Variants in PLEKHG1 observed in about 807,000 individuals in gnomAD.
PLEKHG1 encodes pleckstrin homology domain-containing family G member 1.
Under a neutral mutation model 100.8 loss-of-function variants are expected in PLEKHG1, and 44 were observed. The ratio of observed to expected loss-of-function variants is 0.44; its 90% CI spans 0.34 to 0.56. The LOEUF (loss-of-function observed/expected upper bound fraction) is 0.56, where lower values mean the gene tolerates loss of function less well. PLEKHG1 is among the 20% of genes least tolerant of loss of function. PLEKHG1 has a pLI of 0.01. For missense variants in PLEKHG1, 1,545 were observed against 1,720.9 expected (o/e 0.90, Z 1.81); for synonymous variants, 640 against 662.5 (o/e 0.97, Z 0.52).
At chr6:150,821,290 C>T in intron 13 of PLEKHG1, 57 bp downstream of exon 14, 1 of 1,112,404 alleles carries the variant, frequency 9.0e-7, no homozygotes, top group Non-Finnish European at 1.4e-6. Context: ...CTAAATCAAA[C>T]CACACAAAAA....
chr6:150,616,365 G>C (rs1454552437), intron 1 of PLEKHG1, among the ~76,000 whole-genome samples: 5 of 152,148 alleles, frequency 3.3e-5, no homozygotes, highest in Non-Finnish European at 5.9e-5. Context: ...CCACTCACTT[G>C]GGAAGAGAAA....
At chr6:150,651,605 T>A (rs1302399946) in intron 3 of PLEKHG1, among the ~76,000 whole-genome samples, 1 of 151,072 alleles carries the variant, frequency 6.6e-6, no homozygotes, top group Non-Finnish European at 1.5e-5. Context: ...ACGCCCCTAA[T>A]CCCAGCACTT....
chr6:150,762,166 TC>T (rs1275592651), intron 2 of PLEKHG1, among the ~76,000 whole-genome samples: 1 of 151,800 alleles, frequency 6.6e-6, no homozygotes, highest in Non-Finnish European at 1.5e-5. Flanking sequence ...ATATCTTTCT[TC>T]CCCCTTTGTC....
intron 3 of PLEKHG1, among the ~76,000 whole-genome samples, chr6:150,679,972 G>T (rs1779880256): frequency 6.6e-6 from 1 of 152,164 alleles, no homozygotes; most frequent in Non-Finnish European, 1.5e-5. Context: ...GCATGGTATG[G>T]GAGAGAAGGC....
intron 3 of PLEKHG1, among the ~76,000 whole-genome samples, chr6:150,784,728 A>G (rs1324816055): frequency 2.0e-5 from 3 of 152,170 alleles, no homozygotes; most frequent in African/African-American, 7.2e-5. Context: ...CTGGCATACA[A>G]TTTGCTAATA....
intron 2 of PLEKHG1, among the ~76,000 whole-genome samples, chr6:150,761,093 T>C (rs1562494849): frequency 7.1e-6 from 1 of 140,428 alleles, no homozygotes; most frequent in Admixed American, 7.6e-5. Flanking sequence ...ATTTCTTTCT[T>C]TTTTTCTTTT....
intron 2 of PLEKHG1, among the ~76,000 whole-genome samples, chr6:150,756,973 ATAAT>A (rs1783875577): frequency 6.6e-6 from 1 of 151,892 alleles, no homozygotes; most frequent in Non-Finnish European, 1.5e-5. Context: ...AAAGTATATG[ATAAT>A]TGATCATGTG....
At chr6:150,823,574 G>C in intron 13 of PLEKHG1, 80 bp from the exon 15 acceptor site, 2 of 970,448 alleles carry the variant, frequency 2.1e-6, no homozygotes, top group East Asian at 5.0e-5. Flanking sequence ...AAGTTTCTAA[G>C]TTCTATAAAA....
At chr6:150,807,274 A>T (rs1787178688) in intron 7 of PLEKHG1, among the ~76,000 whole-genome samples, 1 of 152,230 alleles carries the variant, frequency 6.6e-6, no homozygotes, top group Non-Finnish European at 1.5e-5. Flanking sequence ...CCGGTAATCC[A>T]CTGGGGGTCT....
At chr6:150,761,217 T>C (rs1417116873) in intron 2 of PLEKHG1, among the ~76,000 whole-genome samples, 2 of 149,368 alleles carry the variant, frequency 1.3e-5, no homozygotes, top group Non-Finnish European at 3.0e-5. Flanking sequence ...GCGATTCTCC[T>C]GCCTCGGCCT....
intron 2 of PLEKHG1, among the ~76,000 whole-genome samples, chr6:150,735,503 C>T (rs951347463): frequency 1.6e-4 from 25 of 152,270 alleles, no homozygotes; most frequent in African/African-American, 5.1e-4. Flanking sequence ...GTGTGATCCG[C>T]AAATGATAGA....
At chr6:150,790,107 G>A (rs540112947) in intron 4 of PLEKHG1, among the ~76,000 whole-genome samples, 47 of 152,188 alleles carry the variant, frequency 3.1e-4, no homozygotes, top group African/African-American at 9.9e-4. Context: ...CACAACTTCC[G>A]CCTCCCAGGT....
intron 12 of PLEKHG1, 140 bp downstream of exon 13, chr6:150,819,914 T>C (rs2128677946): frequency 1.6e-6 from 1 of 632,638 alleles, no homozygotes; most frequent in Non-Finnish European, 2.9e-6. Flanking sequence ...TGCCTTAAGA[T>C]GGGACTCATG....
intron 2 of PLEKHG1, among the ~76,000 whole-genome samples, chr6:150,749,986 C>T (rs1049960566): frequency 7.3e-5 from 11 of 150,772 alleles, no homozygotes; most frequent in Admixed American, 1.3e-4. Flanking sequence ...GCAGGAGAAT[C>T]GCTTGAAACC....
chr6:150,774,282 C>T (rs1281623782), intron 3 of PLEKHG1, among the ~76,000 whole-genome samples: 2 of 152,008 alleles, frequency 1.3e-5, no homozygotes, highest in African/African-American at 2.4e-5. Context: ...AATGTTTTAC[C>T]CTTAAGTGTG....
Position 150,683,895 on chromosome 6 carries a change from G to T in PLEKHG1, c.-99+33109G>T. 1 of 1,108,688 alleles carries T rather than the reference G, an allele frequency of 9.0e-7. No individual in the cohort carries two copies. Among genetic ancestry groups the T allele is most frequent in the South Asian group, 1.4e-5 (1 of 70,932 alleles). 68.7% of individuals were successfully genotyped at this position (1,108,688 alleles called of 1,614,324 possible). A position where few individuals can be genotyped will look rare whatever the true frequency, so the allele number is the denominator to read the frequency against. On this transcript the variant is annotated intron_variant, in intron 3 of 3. Coordinates refer to the PLEKHG1 transcript ENST00000367326. This position sits in a 1 kb window ranked among gnomAD's most constrained non-coding sequence, Gnocchi z 4.0. ...GCCTGGGATGGAGGTAAGATGGAGCGATCCTATGGTTTGGCACCTGCAGCC... is the reference window on the plus strand; with the variant it reads ...GCCTGGGATGGAGGTAAGATGGAGCTATCCTATGGTTTGGCACCTGCAGCC...
At position 150,792,401 on chromosome 6, in the gene PLEKHG1, C is replaced by T. The variant is rs377105628; in HGVS notation, c.583-3455C>T. 1.6e-3 allele frequency among the ~76,000 whole-genome samples: 234 copies of T among 150,520 alleles called. 2 individuals are homozygous for T. Among genetic ancestry groups the T allele is most frequent in the East Asian group, 2.2e-3 (11 of 5,074 alleles). On this transcript the variant is annotated intron_variant, in intron 4 of 15. Coordinates refer to ENST00000358517, the Ensembl canonical transcript of PLEKHG1. ...AAAAACACCACTTCCTGGCTGGGCG[C>T]GGTGGCTCACACCTGTAATCCCAAC...
intron 3 of PLEKHG1, chr6:150,664,119 G>A (rs1242458149): frequency 6.6e-6 from 1 of 152,240 alleles, no homozygotes; most frequent in African/African-American, 2.4e-5. Flanking sequence ...CCATCCGTGG[G>A]GTTGGCTTCT....
intron 2 of PLEKHG1, among the ~76,000 whole-genome samples, chr6:150,742,966 GATAC>G (rs1166177383): frequency 7.2e-5 from 11 of 152,134 alleles, no homozygotes; most frequent in Admixed American, 6.6e-4. Flanking sequence ...GAGACATGGA[GATAC>G]ATACGGGGAA....
Sources: allele counts gnomAD v4.1 joint callset (sites outside exome capture counted in the v4.1 genomes callset), GRCh38; gene constraint gnomAD v4.1.1; non-coding constraint Gnocchi (gnomAD v3.1); transcripts MANE v1.5; gene names NCBI Gene and HGNC (gene_info 2026-07-23, HGNC 2026-07-21).